Variants in LRMDA observed in about 807,000 individuals in gnomAD.
LRMDA encodes leucine rich melanocyte differentiation associated.
Under a neutral mutation model 29.8 loss-of-function variants are expected in LRMDA, and 18 were observed. The ratio of observed to expected loss-of-function variants is 0.60; its 90% CI spans 0.42 to 0.90. LRMDA has a LOEUF of 0.90. LRMDA is among the 40% of genes least tolerant of loss of function. The pLI, the probability that LRMDA is intolerant of heterozygous loss-of-function variation, is 0.00. For missense variants in LRMDA, 273 were observed against 273.9 expected, an observed-to-expected ratio of 1.00 and a Z score of 0.02; for synonymous variants, 125 against 109.4, an observed-to-expected ratio of 1.14 and a Z score of -0.89.
At chr10:76,229,334 A>G (rs1244577256) in intron 5 of LRMDA, among the ~76,000 whole-genome samples, 2 of 152,136 alleles carry the variant, frequency 1.3e-5, no homozygotes, top group East Asian at 1.9e-4. Context: ...CATGGGAGAG[A>G]GTAGTGGGGG....
intron 5 of LRMDA, among the ~76,000 whole-genome samples, chr10:76,104,472 A>G (rs1849447082): frequency 6.6e-6 from 1 of 151,336 alleles, no homozygotes. Context: ...ATCCAGGACT[A>G]TAGCCTTTCA....
intron 5 of LRMDA, among the ~76,000 whole-genome samples, chr10:76,286,368 G>A (rs954185129): frequency 1.3e-5 from 2 of 152,296 alleles, no homozygotes; most frequent in African/African-American, 2.4e-5. Context: ...TAACCAACCC[G>A]GTGACCCCGG....
chr10:76,126,886 C>T (rs1177929706), intron 5 of LRMDA, among the ~76,000 whole-genome samples: 1 of 152,238 alleles, frequency 6.6e-6, no homozygotes, highest in East Asian at 1.9e-4. Context: ...CCTGATAGCA[C>T]TGCCAACCAA....
intron 2 of LRMDA, among the ~76,000 whole-genome samples, chr10:75,902,220 T>C (rs1485224908): frequency 6.6e-6 from 1 of 152,146 alleles, no homozygotes; most frequent in Non-Finnish European, 1.5e-5. Flanking sequence ...CCATGCACTA[T>C]TGAGAGATAG....
intron 2 of LRMDA, among the ~76,000 whole-genome samples, chr10:75,736,097 CA>C (rs1411041506): frequency 6.6e-6 from 1 of 152,116 alleles, no homozygotes; most frequent in African/African-American, 2.4e-5. Flanking sequence ...GAAAGCAGAA[CA>C]TTTGGCACTT....
chr10:75,886,244 A>G (rs1845385204), intron 2 of LRMDA, among the ~76,000 whole-genome samples: 1 of 152,174 alleles, frequency 6.6e-6, no homozygotes, highest in South Asian at 2.1e-4. Context: ...CAGAAATTGG[A>G]CACTGCATGA....
chr10:76,347,614 C>G (rs376400994), intron 6 of LRMDA, among the ~76,000 whole-genome samples: 1 of 152,110 alleles, frequency 6.6e-6, no homozygotes, highest in Non-Finnish European at 1.5e-5. Context: ...GGAAAATAGA[C>G]CCCTAAAAAT....
Position 75,984,346 on chromosome 10 carries a change from T to C in LRMDA, c.132-51662T>C, listed in dbSNP as rs191558269. On this transcript the variant is annotated intron_variant, in intron 2 of 6. Coordinates refer to ENST00000611255, the MANE Select transcript of LRMDA (RefSeq NM_001305581.2). ...ACAAGAGCTCAGGCCTACGCAGAGC[T>C]TCCCTGCTGGGGCCTGGTCTGCTGA... Among the ~76,000 whole-genome samples the C allele has an allele frequency of 1.6e-4, 25 of 152,254 alleles. No individual in the cohort carries two copies. In the East Asian group the frequency reaches 4.3e-3, roughly 26 times the overall value.
At chr10:76,100,941 A>T (rs964316567) in intron 5 of LRMDA, among the ~76,000 whole-genome samples, 1 of 152,086 alleles carries the variant, frequency 6.6e-6, no homozygotes, top group African/African-American at 2.4e-5. Flanking sequence ...CTATTTTCTC[A>T]TGCTAGTACA....
chr10:75,929,151 G>T (rs1293209113), intron 2 of LRMDA, among the ~76,000 whole-genome samples: 1 of 152,112 alleles, frequency 6.6e-6, no homozygotes, highest in African/African-American at 2.4e-5. Flanking sequence ...CAGGAGACAG[G>T]GCAGTGCACT....
At chr10:76,110,786 C>G (rs755677003) in intron 5 of LRMDA, among the ~76,000 whole-genome samples, 1 of 152,052 alleles carries the variant, frequency 6.6e-6, no homozygotes, top group East Asian at 1.9e-4. Context: ...AACTGTAAGT[C>G]GAATTAAATC....
At chr10:75,939,041 G>A (rs1370231103) in intron 2 of LRMDA, among the ~76,000 whole-genome samples, 1 of 152,160 alleles carries the variant, frequency 6.6e-6, no homozygotes, top group East Asian at 1.9e-4. Flanking sequence ...CAGGGTGGCC[G>A]CAAACGATGA....
At chr10:75,488,828 A>G (rs1001788997) in intron 2 of LRMDA, among the ~76,000 whole-genome samples, 2 of 152,142 alleles carry the variant, frequency 1.3e-5, no homozygotes. Context: ...TGGGGATGCT[A>G]AAATACTGCC....
At chr10:76,312,441 G>A (rs1487416080) in intron 5 of LRMDA, among the ~76,000 whole-genome samples, 1 of 152,078 alleles carries the variant, frequency 6.6e-6, no homozygotes, top group Admixed American at 6.5e-5. Context: ...AACTCATTTT[G>A]GAAAAGTACT....
At chr10:76,491,039 A>C (rs368806585) in intron 6 of LRMDA, among the ~76,000 whole-genome samples, 1 of 152,158 alleles carries the variant, frequency 6.6e-6, no homozygotes, top group African/African-American at 2.4e-5. Flanking sequence ...ATCAACAAAC[A>C]AAAGGAAAAC....
At chr10:75,909,450 G>A (rs1267651453) in intron 2 of LRMDA, among the ~76,000 whole-genome samples, 6 of 151,968 alleles carry the variant, frequency 3.9e-5, no homozygotes, top group Non-Finnish European at 5.9e-5. Context: ...ATGCTGTGGC[G>A]TATCCTCTGA....
chr10:75,850,130 GTATT>G (rs1844707043), intron 2 of LRMDA, among the ~76,000 whole-genome samples: 1 of 152,170 alleles, frequency 6.6e-6, no homozygotes, highest in African/African-American at 2.4e-5. Flanking sequence ...TAATAAGACT[GTATT>G]TATTATATGA....
At chr10:76,531,613 C>T (rs1843234994) in intron 6 of LRMDA, among the ~76,000 whole-genome samples, 6 of 152,012 alleles carry the variant, frequency 3.9e-5, no homozygotes, top group Admixed American at 3.9e-4. Flanking sequence ...ATTGAACCAA[C>T]CTTGCATCTC....
chr10:76,350,149 A>G (rs965413154), intron 6 of LRMDA, among the ~76,000 whole-genome samples: 3 of 149,938 alleles, frequency 2.0e-5, no homozygotes, highest in African/African-American at 7.3e-5. Flanking sequence ...CTCAAAATGC[A>G]GGTAGGTGGA....
Sources: allele counts gnomAD v4.1 joint callset (sites outside exome capture counted in the v4.1 genomes callset), GRCh38; gene constraint gnomAD v4.1.1; transcripts MANE v1.5; gene names NCBI Gene and HGNC (gene_info 2026-07-23, HGNC 2026-07-21).